The following CFAP97 variants were observed in gnomAD, a reference collection of about 807,000 sequenced individuals.
CFAP97 encodes cilia and flagella associated protein 97, also known as cilia- and flagella-associated protein 97.
A neutral mutation model predicts 43.1 loss-of-function variants in CFAP97; 36 were observed. That is an observed-to-expected ratio of 0.84 (90% CI 0.64 to 1.10). CFAP97 has a LOEUF of 1.10. Among genes scored for constraint, CFAP97 ranks in the 50% least tolerant of loss-of-function variants. The pLI, the probability that CFAP97 is intolerant of heterozygous loss-of-function variation, is 0.00. For missense variants in CFAP97, 657 were observed against 620.3 expected, an observed-to-expected ratio of 1.06 and a Z score of -0.63; for synonymous variants, 228 against 225.7, an observed-to-expected ratio of 1.01 and a Z score of -0.09.
intron 1 of CFAP97, among the ~76,000 whole-genome samples, chr4:185,198,408 A>G (rs1274699491): frequency 6.7e-6 from 1 of 150,110 alleles, no homozygotes; most frequent in Admixed American, 6.7e-5. Flanking sequence ...GCATCACTAC[A>G]CTCCAGCCTG....
upstream of CFAP97, among the ~76,000 whole-genome samples, chr4:185,206,302 G>A (rs1737184778): frequency 6.6e-6 from 1 of 152,144 alleles, no homozygotes; most frequent in Admixed American, 6.5e-5. Flanking sequence ...ACATAAAATG[G>A]AATATTATTC....
intron 2 of CFAP97, 71 bp from the exon 3 acceptor site, chr4:185,176,122 T>TTTTTTC: frequency 1.6e-6 from 2 of 1,227,852 alleles, no homozygotes; most frequent in Non-Finnish European, 2.2e-6. Context: ...TTTTTTTTTT[T>TTTTTTC]CTCTTTTTAG....
rs1734836761 is a variant in CFAP97, at chr4:185,160,400, C to T, written c.*2398G>A. 7.3e-6 allele frequency: 1 copy of T among 136,636 alleles called. No homozygotes were observed. Among genetic ancestry groups the T allele is most frequent in the African/African-American group, 2.9e-5 (1 of 34,762 alleles). The allele number at this position is 136,636 out of a possible 1,614,324, so 8.5% of individuals were successfully genotyped here. A position where few individuals can be genotyped will look rare whatever the true frequency, so the allele number is the denominator to read the frequency against. ...AAAATAAAATAAAATAGTGCCAGAC[C>T]ATCCTTTACTTTTTCATGTCCTTGA... is the stretch of plus-strand genomic sequence containing the variant. On this transcript the variant is annotated 3_prime_UTR_variant, in exon 5 of 5. Transcript: ENST00000458385.
upstream of CFAP97, chr4:185,209,959 G>A: frequency 1.0e-6 from 1 of 983,534 alleles, no homozygotes; most frequent in Non-Finnish European, 1.2e-6. This position sits in a 1 kb window ranked among gnomAD's most constrained non-coding sequence, Gnocchi z 5.2. Context: ...GGAGGCAGCA[G>A]CAGCGGCGGC....
chr4:185,176,109 C>CATT, intron 2 of CFAP97, 58 bp from the exon 3 acceptor site: 1 of 1,029,468 alleles, frequency 9.7e-7, no homozygotes, highest in Non-Finnish European at 1.3e-6. Flanking sequence ...GTGGTACATG[C>CATT]TTTTTTTTTT....
At chr4:185,169,664 T>C (rs6839413) in intron 3 of CFAP97, 444,537 of 984,848 alleles carry the variant, frequency 0.45, 100,505 homozygotes, top group Middle Eastern at 0.53. Flanking sequence ...TGTAAACAAA[T>C]AAATGTCTTA....
intron 3 of CFAP97, chr4:185,170,242 AG>A: frequency 1.6e-6 from 1 of 643,386 alleles, no homozygotes; most frequent in Non-Finnish European, 2.8e-6. Flanking sequence ...GTTACTTGGG[AG>A]GCCGAGGCAG....
chr4:185,165,606 T>C (rs1175439421), intron 3 of CFAP97, among the ~76,000 whole-genome samples: 2 of 152,238 alleles, frequency 1.3e-5, no homozygotes, highest in East Asian at 3.8e-4. Flanking sequence ...AAGGGAGTAC[T>C]GACCTGCACT....
intron 3 of CFAP97, among the ~76,000 whole-genome samples, chr4:185,173,734 G>A (rs1271240836): frequency 6.6e-6 from 1 of 152,086 alleles, no homozygotes; most frequent in Non-Finnish European, 1.5e-5. Flanking sequence ...AGAGGATAGG[G>A]GTGGGGAAAG....
intron 1 of CFAP97, 95 bp from the exon 2 acceptor site, chr4:185,191,307 G>A (rs1360390854): frequency 2.3e-6 from 2 of 862,488 alleles, no homozygotes; most frequent in East Asian, 2.9e-5. Flanking sequence ...ACTGACAAGT[G>A]TGTTTAATAT....
In CFAP97 at chr4:185,209,368, T is replaced by A. The variant is rs1335579276; in HGVS notation, c.-117A>T. ...AGCGCCGCTGACACCTGCAGCAAAA[T>A]TTTCCATGAACAGACGGCATCCTGT... On this transcript the variant is annotated 5_prime_UTR_variant, in exon 1 of 3. Coordinates refer to the CFAP97 transcript ENST00000503223. The surrounding 1 kb of genome is among the most constrained non-coding windows in gnomAD (Gnocchi z 5.2). 1 of 152,328 alleles carries A rather than the reference T, an allele frequency of 6.6e-6. No homozygotes were observed. Among genetic ancestry groups the A allele is most frequent in the Non-Finnish European group, 1.5e-5 (1 of 68,162 alleles). 9.4% of individuals were successfully genotyped at this position (152,328 alleles called of 1,614,324 possible).
intron 2 of CFAP97, among the ~76,000 whole-genome samples, chr4:185,177,057 T>G (rs748724330): frequency 2.0e-5 from 3 of 152,164 alleles, no homozygotes; most frequent in Non-Finnish European, 4.4e-5. Context: ...TACTAAACAT[T>G]TGTAGAAAAC....
chr4:185,197,519 C>T (rs1736612279), intron 1 of CFAP97, among the ~76,000 whole-genome samples: 1 of 152,032 alleles, frequency 6.6e-6, no homozygotes, highest in South Asian at 2.1e-4. Flanking sequence ...CCTCAGACTC[C>T]CTGCTTCAAG....
In CFAP97 at chr4:185,190,591, C is replaced by T. The variant is rs185131371; in HGVS notation, c.606G>A (p.Pro202=). 314 of 1,612,518 alleles carry T rather than the reference C, an allele frequency of 1.9e-4. No individual in the cohort carries two copies. In the African/African-American group the frequency reaches 3.6e-3, roughly 18 times the overall value. Residue 202 remains proline, a synonymous_variant, in exon 2 of 5, where the codon CCG becomes CCA. Transcript: ENST00000458385. ...GSDSHLSDSS[P]SSKSSKKHVS... ...CATGTTTCTTAGATGACTTAGATGA[C>T]GGAGACGAATCAGATAGATGGCTAT...
rs1734823135 is a variant in CFAP97, at chr4:185,160,076, AAAC to A, written c.*2719_*2721del. ...GTGGACACTCAGGTTAGCGGAGAGA[AAAC>A]AACTGCATTACACTACATTTTTAAG... On this transcript the variant is annotated 3_prime_UTR_variant, in exon 5 of 5. Coordinates refer to ENST00000458385, the MANE Select transcript of CFAP97 (RefSeq NM_020827.3). 3 of 146,310 alleles carry A rather than the reference AAAC, an allele frequency of 2.1e-5. No individual in the cohort carries two copies. In the South Asian group the frequency reaches 6.7e-4, roughly 32 times the overall value. 9.1% of individuals were successfully genotyped at this position (146,310 alleles called of 1,614,324 possible). A position where few individuals can be genotyped will look rare whatever the true frequency, so the allele number is the denominator to read the frequency against.
upstream of CFAP97, chr4:185,209,687 G>A: frequency 2.1e-6 from 2 of 959,472 alleles, no homozygotes; most frequent in Non-Finnish European, 2.5e-6. The surrounding 1 kb of genome is among the most constrained non-coding windows in gnomAD (Gnocchi z 5.2). Flanking sequence ...TCGCCGAGAG[G>A]GGCCCGGCGG....
At position 185,161,890 on chromosome 4, in the gene CFAP97, A is replaced by G. The variant is rs1380116338; in HGVS notation, c.*908T>C. On this transcript the variant is annotated 3_prime_UTR_variant, in exon 5 of 5. Transcript: ENST00000458385. ...TCTTTCTTACGCTAAGTCTTCTCTAATAACATAATAAATACTGAATTACCT... is the reference window on the plus strand; with the variant it reads ...TCTTTCTTACGCTAAGTCTTCTCTAGTAACATAATAAATACTGAATTACCT... The G allele has an allele frequency of 6.6e-6, 1 of 152,214 alleles. No homozygotes were observed. The highest frequency in any genetic ancestry group is 1.5e-5 in the Non-Finnish European group (1 of 68,032). The allele number at this position is 152,214 out of a possible 1,614,324, so 9.4% of individuals were successfully genotyped here. A position where few individuals can be genotyped will look rare whatever the true frequency, so the allele number is the denominator to read the frequency against.
intron 3 of CFAP97, 57 bp from the exon 4 acceptor site, chr4:185,164,236 A>C: frequency 3.3e-6 from 5 of 1,506,844 alleles, no homozygotes. Flanking sequence ...ATTTTTAACA[A>C]GGCAATACAT....
chr4:185,207,089 T>C (rs935098028), upstream of CFAP97, among the ~76,000 whole-genome samples: 1 of 152,044 alleles, frequency 6.6e-6, no homozygotes, highest in Non-Finnish European at 1.5e-5. Context: ...GGGTGGATCT[T>C]CCCTACTCAA....
Sources: gnomAD v4.1 joint callset for allele counts (sites outside exome capture counted in the v4.1 genomes callset) on GRCh38, gnomAD v4.1.1 for gene constraint, Gnocchi (gnomAD v3.1) non-coding constraint, MANE v1.5 for transcripts, NCBI Gene and HGNC (gene_info 2026-07-23, HGNC 2026-07-21) for gene names.